The following GALNS variants were observed in gnomAD, a reference collection of about 807,000 sequenced individuals.
The protein encoded by GALNS is galactosamine (N-acetyl)-6-sulfatase.
Under a neutral mutation model 65.9 loss-of-function variants are expected in GALNS, and 65 were observed. That is an observed-to-expected ratio of 0.99 (90% CI 0.81 to 1.21). The LOEUF is 1.21. Ranked by LOEUF, GALNS falls within the 50% of genes most tolerant of loss-of-function variation. The probability of loss-of-function intolerance (pLI) is 0.00; values close to 1 mark genes in which losing one functional copy is unlikely to be tolerated. For missense variants in GALNS, 776 were observed against 700.7 expected, an observed-to-expected ratio of 1.11 and a Z score of -1.21; for synonymous variants, 346 against 288.9, an observed-to-expected ratio of 1.20 and a Z score of -2.00.
chr16:88,835,591 G>A (rs981261951), intron 7 of GALNS, 134 bp downstream of exon 7: 30 of 1,405,650 alleles, frequency 2.1e-5, no homozygotes, highest in Admixed American at 3.4e-5. Flanking sequence ...GCCAGTGGAC[G>A]GCTTCAAAGG....
rs145364612 is a variant in GALNS, at chr16:88,841,491, C to T, written c.320-397G>A. Among the ~76,000 whole-genome samples the T allele has an allele frequency of 4.7e-3, 722 of 152,294 alleles. 11 individuals carry two copies. Among genetic ancestry groups the T allele is most frequent in the African/African-American group, 0.016 (685 of 41,558 alleles). Reference sequence around the variant, plus strand: ...CCCCGTCCTTCCCTTTCCTCAAATGCCACTGGAAATCCCACTTCCCCTGTG... The same window carrying T: ...CCCCGTCCTTCCCTTTCCTCAAATGTCACTGGAAATCCCACTTCCCCTGTG... On this transcript the variant is annotated intron_variant, in intron 3 of 13. Transcript: ENST00000268695.
chr16:88,814,580 C>T (rs1328110241), intron 13 of GALNS, 55 bp from the exon 14 acceptor site: 35 of 1,548,212 alleles, frequency 2.3e-5, no homozygotes, highest in Non-Finnish European at 3.0e-5. Context: ...TCTTCTGGAC[C>T]CAGCAGCAGC....
At position 88,826,805 on chromosome 16, in the gene GALNS, A is replaced by T; in HGVS notation, c.1036T>A (p.Phe346Ile). ...SHQLGSIMDL[F>I]TTSLALAGLT... ...CCCGCAAGGGCCAGGCTGGTGGTGA[A>T]GAGGTCCATGATGCTGCCCAGCTGG... The change falls in exon 10 of 14, where the codon TTC becomes ATC. Residue 346 changes from phenylalanine (F) to isoleucine (I), a missense_variant. Coordinates refer to ENST00000268695, the MANE Select transcript of GALNS (RefSeq NM_000512.5). 6.3e-7 allele frequency: 1 copy of T among 1,595,724 alleles called. No homozygotes were observed. The highest frequency in any genetic ancestry group is 1.1e-5 in the South Asian group (1 of 88,648).
chr16:88,839,139 G>A (rs1267438063), intron 4 of GALNS, among the ~76,000 whole-genome samples: 1 of 151,586 alleles, frequency 6.6e-6, no homozygotes, highest in Non-Finnish European at 1.5e-5. Flanking sequence ...CCAACCACAG[G>A]GGACACTCGT....
intron 9 of GALNS, among the ~76,000 whole-genome samples, chr16:88,831,054 C>T (rs571029510): frequency 3.3e-5 from 5 of 152,320 alleles, no homozygotes; most frequent in African/African-American, 1.2e-4. Flanking sequence ...GTGACTGGAC[C>T]ACGGATGTCT....
chr16:88,823,034 C>A lies in GALNS; in HGVS notation c.1243-324G>T, dbSNP rs150894695. 0.012 allele frequency among the ~76,000 whole-genome samples: 1,829 copies of A among 152,320 alleles called. 17 individuals are homozygous for A. The highest frequency in any genetic ancestry group is 0.02 in the East Asian group (103 of 5,182). ...TCACGTACCCTGTTTTCATGTACCC[C>A]TCTTCTTTGCGAGGCAGGTGAGTGT... On this transcript the variant is annotated intron_variant, in intron 11 of 13. Transcript: ENST00000268695.
At chr16:88,835,916 C>G in intron 6 of GALNS, 67 bp from the exon 7 acceptor site, 4 of 1,609,206 alleles carry the variant, frequency 2.5e-6, no homozygotes, top group Non-Finnish European at 3.4e-6. Flanking sequence ...CCACGGTCCC[C>G]GTCCCCACAC....
intron 1 of GALNS, chr16:88,855,692 TTC>T: frequency 1.7e-6 from 1 of 593,996 alleles, no homozygotes; most frequent in Non-Finnish European, 3.0e-6. Flanking sequence ...TACATTATTT[TTC>T]TTTCACCAAG....
chr16:88,853,952 T>C (rs1161008209), intron 1 of GALNS, among the ~76,000 whole-genome samples: 6 of 152,044 alleles, frequency 3.9e-5, no homozygotes, highest in African/African-American at 1.2e-4. Flanking sequence ...GTGTGACCAG[T>C]TGGAGAGTGG....
chr16:88,842,857 A>G (rs1332195414), intron 1 of GALNS, 28 bp from the exon 2 acceptor site: 1 of 1,611,154 alleles, frequency 6.2e-7, no homozygotes, highest in Non-Finnish European at 8.5e-7. Context: ...GGGAGGAGGA[A>G]TGAGCGCCTT....
At chr16:88,847,568 T>C (rs1327165870) in intron 1 of GALNS, among the ~76,000 whole-genome samples, 2 of 152,114 alleles carry the variant, frequency 1.3e-5, no homozygotes, top group Non-Finnish European at 2.9e-5. Flanking sequence ...GTTTCCACCA[T>C]TTCAAATGAC....
chr16:88,819,886 G>T (rs558484038), intron 12 of GALNS, among the ~76,000 whole-genome samples: 1 of 152,110 alleles, frequency 6.6e-6, no homozygotes, highest in Non-Finnish European at 1.5e-5. Context: ...TAGAGACGGG[G>T]TTTCACCATG....
intron 12 of GALNS, among the ~76,000 whole-genome samples, chr16:88,822,318 A>C (rs1010240624): frequency 4.6e-5 from 7 of 152,126 alleles, no homozygotes; most frequent in South Asian, 2.1e-4. Context: ...GCCATCCCCA[A>C]ATGCAGCTCA....
At chr16:88,832,687 GGACAAAAGC>G (rs1312294090) in intron 8 of GALNS, among the ~76,000 whole-genome samples, 6 of 152,176 alleles carry the variant, frequency 3.9e-5, no homozygotes, top group African/African-American at 1.4e-4. Context: ...CCCACGTCAG[GGACAAAAGC>G]CACCCCTGCT....
chr16:88,819,502 G>A (rs1334977435), intron 12 of GALNS, among the ~76,000 whole-genome samples: 2 of 151,838 alleles, frequency 1.3e-5, no homozygotes, highest in African/African-American at 2.4e-5. Context: ...GAGCGTCCCC[G>A]AAGGCCGTGG....
chr16:88,854,055 C>CA (rs1967638924), intron 1 of GALNS, among the ~76,000 whole-genome samples: 1 of 152,252 alleles, frequency 6.6e-6, no homozygotes, highest in South Asian at 2.1e-4. Context: ...CCAGGCCCCC[C>CA]ACTGCCCAGC....
In GALNS at chr16:88,842,543, C is replaced by G; in HGVS notation, c.244+163G>C. 4.7e-6 allele frequency: 4 copies of G among 849,130 alleles called. No homozygotes were observed. In the South Asian group the frequency reaches 6.9e-5, roughly 15 times the overall value. The allele number at this position is 849,130 out of a possible 1,614,324, so 52.6% of individuals were successfully genotyped here. A position where few individuals can be genotyped will look rare whatever the true frequency, so the allele number is the denominator to read the frequency against. On this transcript the variant is annotated intron_variant, in intron 2 of 13. Coordinates refer to ENST00000268695, the MANE Select transcript of GALNS (RefSeq NM_000512.5). ...GCACCCCACATGGCACGGAGCCGGG[C>G]TGGGATTTGATGAGAAAGGCCTGAG... is the stretch of plus-strand genomic sequence containing the variant.
rs564710628 is a variant in GALNS at position 88,842,518 on chromosome 16, G to A, written c.244+188C>T. ...CGACCCTGAAAACCCAGCAGGTGCC[G>A]CACCCCACATGGCACGGAGCCGGGC... On this transcript the variant is annotated intron_variant, in intron 2 of 13. Transcript: ENST00000268695. 1.5e-5 allele frequency: 10 copies of A among 688,988 alleles called. 1 individual carries two copies. Among genetic ancestry groups the A allele is most frequent in the African/African-American group, 5.4e-5 (3 of 55,190 alleles). The allele number at this position is 688,988 out of a possible 1,614,324, so 42.7% of individuals were successfully genotyped here.
chr16:88,856,186 C>T, intron 1 of GALNS: 1 of 703,026 alleles, frequency 1.4e-6, no homozygotes, highest in South Asian at 1.5e-5. Context: ...TTCAGTTCTT[C>T]AGACCTTAGG....
Sources: gnomAD v4.1 joint callset for allele counts (sites outside exome capture counted in the v4.1 genomes callset) on GRCh38, gnomAD v4.1.1 for gene constraint, MANE v1.5 for transcripts, NCBI Gene and HGNC (gene_info 2026-07-23, HGNC 2026-07-21) for gene names.